The following EXOC4 variants were observed in gnomAD, a reference collection of about 807,000 sequenced individuals.
EXOC4 encodes the protein exocyst complex component 4, also known as SEC8-like 1.
A neutral mutation model predicts 107.2 loss-of-function variants in EXOC4; 71 were observed. The observed-to-expected ratio is 0.66, with a 90% CI of 0.55 to 0.81. The LOEUF (loss-of-function observed/expected upper bound fraction) is 0.81. EXOC4 is among the 30% of genes least tolerant of loss of function. The pLI, the probability that EXOC4 is intolerant of heterozygous loss-of-function variation, is 0.00. For synonymous variants in EXOC4, 456 were observed against 441.2 expected (o/e 1.03, Z -0.42); for missense variants, 1,108 against 1,189.6 (o/e 0.93, Z 1.01).
intron 10 of EXOC4, among the ~76,000 whole-genome samples, chr7:133,771,141 A>G (rs1796236074): frequency 3.3e-5 from 5 of 151,900 alleles, no homozygotes; most frequent in Admixed American, 2.6e-4. Flanking sequence ...ACTTATAGAG[A>G]ATCTGGGGAG....
chr7:133,601,052 A>G (rs1488746994), intron 9 of EXOC4, among the ~76,000 whole-genome samples: 1 of 152,236 alleles, frequency 6.6e-6, no homozygotes, highest in Non-Finnish European at 1.5e-5. Context: ...GAAATGCAAC[A>G]GATGTACACT....
intron 9 of EXOC4, among the ~76,000 whole-genome samples, chr7:133,593,533 G>A (rs919918916): frequency 6.6e-6 from 1 of 152,182 alleles, no homozygotes; most frequent in African/African-American, 2.4e-5. Flanking sequence ...GGATTGACAA[G>A]AATAACTGAT....
intron 7 of EXOC4, among the ~76,000 whole-genome samples, chr7:133,468,233 C>T (rs1355570677): frequency 6.6e-6 from 1 of 152,138 alleles, no homozygotes; most frequent in Non-Finnish European, 1.5e-5. Flanking sequence ...GAACCATTCA[C>T]AAGACCATAG....
the EXOC4 span, among the ~76,000 whole-genome samples, chr7:134,096,574 A>C: frequency 0.012 from 1,871 of 152,334 alleles, 73 homozygotes; most frequent in Admixed American, 0.079. Flanking sequence ...CCAAAACCTC[A>C]GAAGTCAGGA....
At chr7:133,378,762 T>A (rs961639071) in intron 7 of EXOC4, among the ~76,000 whole-genome samples, 1 of 151,940 alleles carries the variant, frequency 6.6e-6, no homozygotes, top group African/African-American at 2.4e-5. Flanking sequence ...AATATTTGAT[T>A]AATCCAGAAG....
chr7:134,023,600 T>C (rs1211317668), intron 17 of EXOC4, among the ~76,000 whole-genome samples: 1 of 152,128 alleles, frequency 6.6e-6, no homozygotes, highest in Non-Finnish European at 1.5e-5. Context: ...TCTGAAGGAT[T>C]AAGTAACCCG....
At chr7:134,019,476 A>G (rs1794981908) in intron 17 of EXOC4, among the ~76,000 whole-genome samples, 1 of 152,106 alleles carries the variant, frequency 6.6e-6, no homozygotes, top group Admixed American at 6.6e-5. Context: ...ATGAGTAATT[A>G]TAATTACTGT....
chr7:133,872,196 A>G lies in EXOC4; in HGVS notation c.1735-23403A>G, dbSNP rs1468626358. Among the ~76,000 whole-genome samples the G allele has an allele frequency of 3.3e-5, 5 of 152,314 alleles. No homozygotes were observed. In the East Asian group the frequency reaches 9.6e-4, roughly 29 times the overall value. Reference sequence around the variant, plus strand: ...AAATAATCTGCAAAGATTAAAATATATATAATATTAGCTTTTAGTATTTTA... The same window carrying G: ...AAATAATCTGCAAAGATTAAAATATGTATAATATTAGCTTTTAGTATTTTA... On this transcript the variant is annotated intron_variant, in intron 11 of 17. Transcript: ENST00000253861.
At chr7:133,460,428 A>G (rs754144400) in intron 7 of EXOC4, among the ~76,000 whole-genome samples, 1 of 152,148 alleles carries the variant, frequency 6.6e-6, no homozygotes, top group Admixed American at 6.6e-5. Context: ...ACTTACTTAA[A>G]CCAGCAGTGC....
At chr7:133,559,337 C>G (rs1442190613) in intron 9 of EXOC4, among the ~76,000 whole-genome samples, 1 of 152,130 alleles carries the variant, frequency 6.6e-6, no homozygotes, top group Non-Finnish European at 1.5e-5. Flanking sequence ...TTTCTCTACA[C>G]TAATACTGAA....
chr7:133,996,353 C>T (rs565513651), intron 14 of EXOC4, among the ~76,000 whole-genome samples: 1 of 152,162 alleles, frequency 6.6e-6, no homozygotes, highest in Non-Finnish European at 1.5e-5. Context: ...AACTTTGAGG[C>T]TCTAGAGAGC....
At chr7:133,876,317 AT>A (rs1172156430) in intron 11 of EXOC4, among the ~76,000 whole-genome samples, 2 of 152,022 alleles carry the variant, frequency 1.3e-5, no homozygotes, top group African/African-American at 4.8e-5. Context: ...ATTTGGAAAT[AT>A]ACAACTGGGA....
intron 13 of EXOC4, among the ~76,000 whole-genome samples, chr7:133,934,925 G>A (rs1800263473): frequency 1.3e-5 from 2 of 151,138 alleles, no homozygotes; most frequent in Admixed American, 1.3e-4. Flanking sequence ...TTCAGAGAAA[G>A]TTTTCTTGGG....
chr7:133,794,914 G>A lies in EXOC4; in HGVS notation c.1515-22411G>A, dbSNP rs151111661. Among the ~76,000 whole-genome samples the A allele has an allele frequency of 3.3e-3, 508 of 151,786 alleles. 8 individuals carry two copies. Among genetic ancestry groups the A allele is most frequent in the East Asian group, 0.026 (135 of 5,146 alleles). On this transcript the variant is annotated intron_variant, in intron 10 of 17. Coordinates refer to ENST00000253861, the MANE Select transcript of EXOC4 (RefSeq NM_021807.4). The stretch of plus-strand genomic sequence containing the variant: ...CCATTAACTCTTCATTAAACATTAG[G>A]TATATCTCCTAATGCTATCCCTCCC...
chr7:134,098,708 C>T, the EXOC4 span, among the ~76,000 whole-genome samples: 2 of 152,186 alleles, frequency 1.3e-5, no homozygotes, highest in South Asian at 2.1e-4. Flanking sequence ...AGGGACACAT[C>T]ACATTCAGCC....
chr7:133,913,758 T>A (rs1799746657), intron 12 of EXOC4, among the ~76,000 whole-genome samples: 1 of 152,094 alleles, frequency 6.6e-6, no homozygotes, highest in Admixed American at 6.5e-5. Context: ...ACTGGAAACT[T>A]AGAAGAGAGG....
At chr7:133,531,117 G>A (rs189924168) in intron 9 of EXOC4, among the ~76,000 whole-genome samples, 52 of 151,872 alleles carry the variant, frequency 3.4e-4, no homozygotes, top group Non-Finnish European at 6.0e-4. Context: ...TGTAGGAAAA[G>A]GATAAAATAA....
intron 11 of EXOC4, among the ~76,000 whole-genome samples, chr7:133,823,937 T>C (rs1407032163): frequency 9.9e-6 from 1 of 100,694 alleles, no homozygotes; most frequent in Non-Finnish European, 1.9e-5. Context: ...TATATATATA[T>C]TATATATATA....
intron 10 of EXOC4, among the ~76,000 whole-genome samples, chr7:133,642,786 C>A (rs2151026326): frequency 6.6e-6 from 1 of 152,270 alleles, no homozygotes; most frequent in Non-Finnish European, 1.5e-5. Context: ...GCACACTGAT[C>A]TCAGGCCCCC....
Sources: allele counts gnomAD v4.1 joint callset (sites outside exome capture counted in the v4.1 genomes callset), GRCh38; gene constraint gnomAD v4.1.1; transcripts MANE v1.5; gene names NCBI Gene and HGNC (gene_info 2026-07-23, HGNC 2026-07-21).